Variants in SDK1 observed in about 807,000 individuals in gnomAD.
SDK1 encodes sidekick cell adhesion molecule 1.
A neutral mutation model predicts 245.5 loss-of-function variants in SDK1; 157 were observed. The observed-to-expected ratio is 0.64, with a 90% CI of 0.56 to 0.73. SDK1 has a LOEUF of 0.73. Ranked by LOEUF, SDK1 falls within the 30% of genes least tolerant of loss-of-function variation. SDK1 has a pLI of 0.00. For synonymous variants in SDK1, 1,647 were observed against 1,278.5 expected, an observed-to-expected ratio of 1.29 and a Z score of -6.15; for missense variants, 3,583 against 3,002.3, an observed-to-expected ratio of 1.19 and a Z score of -4.52.
At chr7:3,498,961 C>CT (rs1782108648) in intron 1 of SDK1, among the ~76,000 whole-genome samples, 1 of 152,140 alleles carries the variant, frequency 6.6e-6, no homozygotes, top group Admixed American at 6.5e-5. Flanking sequence ...TGATCTGGCA[C>CT]TAACTTTTAT....
intron 32 of SDK1, among the ~76,000 whole-genome samples, chr7:4,163,460 C>G (rs1781297779): frequency 6.6e-6 from 1 of 152,086 alleles, no homozygotes; most frequent in Admixed American, 6.5e-5. Flanking sequence ...AGGAAGGGGT[C>G]CTGTGGAAAG....
At chr7:3,790,263 T>C (rs1414886419) in intron 4 of SDK1, among the ~76,000 whole-genome samples, 1 of 152,296 alleles carries the variant, frequency 6.6e-6, no homozygotes, top group South Asian at 2.1e-4. Context: ...GACTTTCAGA[T>C]ATTTATATCT....
chr7:3,742,806 C>G (rs79284346), intron 4 of SDK1, among the ~76,000 whole-genome samples: 1 of 152,120 alleles, frequency 6.6e-6, no homozygotes, highest in Non-Finnish European at 1.5e-5. Flanking sequence ...TCCTTTCCTA[C>G]AAGGTCAGTG....
At chr7:4,108,371 A>C (rs1320335123) in intron 22 of SDK1, among the ~76,000 whole-genome samples, 1 of 152,094 alleles carries the variant, frequency 6.6e-6, no homozygotes, top group Non-Finnish European at 1.5e-5. Flanking sequence ...GTGTCTCTGA[A>C]GTGAGGATTT....
intron 1 of SDK1, among the ~76,000 whole-genome samples, chr7:3,452,060 G>C (rs141718563): frequency 6.6e-6 from 1 of 152,164 alleles, no homozygotes; most frequent in Non-Finnish European, 1.5e-5. Flanking sequence ...AACTAAATTT[G>C]TATTGAGTTA....
intron 22 of SDK1, among the ~76,000 whole-genome samples, chr7:4,110,208 TG>T (rs1212444351): frequency 6.6e-6 from 1 of 152,138 alleles, no homozygotes; most frequent in Non-Finnish European, 1.5e-5. Context: ...CAGAAAGGGT[TG>T]GGGTCGAAGC....
chr7:3,750,909 C>G (rs375493578), intron 4 of SDK1, among the ~76,000 whole-genome samples: 2 of 152,214 alleles, frequency 1.3e-5, no homozygotes, highest in African/African-American at 4.8e-5. Context: ...GTAGCGCTAA[C>G]AGCACAGAAG....
intron 1 of SDK1, chr7:3,338,599 T>G (rs1289118607): frequency 4.4e-6 from 1 of 226,762 alleles, no homozygotes; most frequent in African/African-American, 2.4e-5. Flanking sequence ...ATCCATGGCA[T>G]GATAGGTGTT....
At chr7:4,068,072 C>T (rs1480834278) in intron 20 of SDK1, 136 bp downstream of exon 20, 2 of 646,614 alleles carry the variant, frequency 3.1e-6, no homozygotes, top group Non-Finnish European at 5.3e-6. Flanking sequence ...AAAAGTCTTC[C>T]TGGCCGTGTG....
At chr7:3,416,589 C>T (rs1053772667) in intron 1 of SDK1, among the ~76,000 whole-genome samples, 3 of 151,776 alleles carry the variant, frequency 2.0e-5, no homozygotes, top group African/African-American at 7.3e-5. Flanking sequence ...CCCTGGCAGG[C>T]CTAATCTGGT....
intron 4 of SDK1, among the ~76,000 whole-genome samples, chr7:3,745,844 A>G (rs1192376532): frequency 6.6e-6 from 1 of 152,220 alleles, no homozygotes; most frequent in Non-Finnish European, 1.5e-5. Context: ...CTTGAGAAAA[A>G]TCCAAAATAA....
chr7:3,388,927 C>G (rs1781676575), intron 1 of SDK1, among the ~76,000 whole-genome samples: 1 of 152,010 alleles, frequency 6.6e-6, no homozygotes, highest in Admixed American at 6.6e-5. Context: ...AACAAGTAAA[C>G]AAATGAGAGA....
chr7:4,101,050 T>C (rs542943302), intron 22 of SDK1, among the ~76,000 whole-genome samples: 1 of 152,238 alleles, frequency 6.6e-6, no homozygotes, highest in East Asian at 1.9e-4. Context: ...CTCTCCGCAC[T>C]GGTTGCCAGA....
chr7:3,379,859 T>G (rs1197879292), intron 1 of SDK1, among the ~76,000 whole-genome samples: 2 of 152,182 alleles, frequency 1.3e-5, no homozygotes, highest in Non-Finnish European at 1.5e-5. Context: ...TTGGAGCATT[T>G]CAGATTTCGT....
At chr7:4,178,924 C>T (rs1014159402) in intron 35 of SDK1, among the ~76,000 whole-genome samples, 1 of 152,224 alleles carries the variant, frequency 6.6e-6, no homozygotes, top group African/African-American at 2.4e-5. Context: ...ACCTCGTTAT[C>T]TGGAGGGGCA....
At chr7:3,643,808 C>G (rs1420178435) in intron 4 of SDK1, 1 of 151,696 alleles carries the variant, frequency 6.6e-6, no homozygotes, top group Admixed American at 6.6e-5. Flanking sequence ...TCCCTAAGCC[C>G]CATGTCTCCA....
chr7:3,355,017 T>G (rs1243802457), intron 1 of SDK1, among the ~76,000 whole-genome samples: 2 of 152,258 alleles, frequency 1.3e-5, no homozygotes, highest in African/African-American at 4.8e-5. Flanking sequence ...AGCTACAGTT[T>G]ATTTTCTCAT....
chr7:3,657,628 A>C (rs745957096), intron 4 of SDK1, among the ~76,000 whole-genome samples: 32 of 151,680 alleles, frequency 2.1e-4, no homozygotes, highest in African/African-American at 7.1e-4. Flanking sequence ...AAATGGGGTC[A>C]AGCCATCTGT....
chr7:3,609,706 C>A (rs1242934498), intron 1 of SDK1, among the ~76,000 whole-genome samples: 1 of 137,318 alleles, frequency 7.3e-6, no homozygotes, highest in Non-Finnish European at 1.6e-5. Context: ...AGCCTCCCCA[C>A]CCCCCGCCAC....
Sources: gnomAD v4.1 joint callset for allele counts (sites outside exome capture counted in the v4.1 genomes callset) on GRCh38, gnomAD v4.1.1 for gene constraint, MANE v1.5 for transcripts, NCBI Gene and HGNC (gene_info 2026-07-23, HGNC 2026-07-21) for gene names.